The following TAF4B variants were observed in gnomAD, a reference collection of about 807,000 sequenced individuals.
TAF4B encodes the protein transcription initiation factor TFIID subunit 4B.
Under a neutral mutation model 86.4 loss-of-function variants are expected in TAF4B, and 38 were observed. The ratio of observed to expected loss-of-function variants is 0.44; its 90% CI spans 0.34 to 0.58. The LOEUF is 0.58. TAF4B is among the 20% of genes least tolerant of loss of function. TAF4B has a pLI of 0.02. For missense variants in TAF4B, 988 were observed against 1,027.6 expected, an observed-to-expected ratio of 0.96 and a Z score of 0.53; for synonymous variants, 388 against 391.2, an observed-to-expected ratio of 0.99 and a Z score of 0.10.
chr18:26,293,785 C>T (rs928091274), intron 9 of TAF4B, among the ~76,000 whole-genome samples: 1 of 152,112 alleles, frequency 6.6e-6, no homozygotes, highest in African/African-American at 2.4e-5. Flanking sequence ...CACCTTTATG[C>T]ACCTTTGAAA....
chr18:26,231,034 C>CTTTTTTTTTTTGTTTTTTTT (rs2055658298), intron 1 of TAF4B, among the ~76,000 whole-genome samples: 1 of 66,164 alleles, frequency 1.5e-5, no homozygotes, highest in Non-Finnish European at 2.8e-5. Flanking sequence ...TGTTGTTTTG[C>CTTTTTTTTTTTGTTTTTTTT]TTTTTTTTTT....
intron 11 of TAF4B, among the ~76,000 whole-genome samples, chr18:26,323,218 G>A (rs1363828515): frequency 6.6e-6 from 1 of 152,180 alleles, no homozygotes; most frequent in Non-Finnish European, 1.5e-5. Context: ...TTGTTTCATA[G>A]ATGTCTGATA....
chr18:26,386,900 G>T (rs1055151483), intron 14 of TAF4B, among the ~76,000 whole-genome samples: 1 of 152,106 alleles, frequency 6.6e-6, no homozygotes, highest in Non-Finnish European at 1.5e-5. Flanking sequence ...ATGTGGAATT[G>T]CCAAGACATT....
At chr18:26,314,177 A>G (rs1336782406) in intron 9 of TAF4B, among the ~76,000 whole-genome samples, 1 of 152,176 alleles carries the variant, frequency 6.6e-6, no homozygotes, top group Non-Finnish European at 1.5e-5. Context: ...CATATTATAT[A>G]CCATTTGGCC....
intron 5 of TAF4B, among the ~76,000 whole-genome samples, chr18:26,277,642 A>G (rs563655838): frequency 1.3e-5 from 2 of 149,640 alleles, no homozygotes; most frequent in South Asian, 4.1e-4. Context: ...GGTGGTTGGA[A>G]TAGTGATTAT....
At chr18:26,322,192 C>A (rs1403142589) in intron 11 of TAF4B, among the ~76,000 whole-genome samples, 2 of 152,100 alleles carry the variant, frequency 1.3e-5, no homozygotes, top group Non-Finnish European at 2.9e-5. Context: ...GCCGTGATAT[C>A]CTAGTCAAAG....
At chr18:26,386,376 A>G (rs1443689557) in intron 14 of TAF4B, among the ~76,000 whole-genome samples, 1 of 150,572 alleles carries the variant, frequency 6.6e-6, no homozygotes, top group Non-Finnish European at 1.5e-5. Context: ...CTTTGCTTCC[A>G]TGTTAATTTC....
intron 13 of TAF4B, among the ~76,000 whole-genome samples, chr18:26,346,230 C>T (rs2057177712): frequency 6.6e-6 from 1 of 151,956 alleles, no homozygotes; most frequent in Non-Finnish European, 1.5e-5. Context: ...ATAAAAAATA[C>T]AGTTGAGACC....
At chr18:26,340,678 T>TTGG (rs1340624062) in intron 13 of TAF4B, among the ~76,000 whole-genome samples, 1 of 152,136 alleles carries the variant, frequency 6.6e-6, no homozygotes, top group Non-Finnish European at 1.5e-5. Flanking sequence ...GGATTTCCAA[T>TTGG]AAATTACCAG....
At chr18:26,238,832 A>G (rs924891494) in intron 1 of TAF4B, among the ~76,000 whole-genome samples, 116 of 152,290 alleles carry the variant, frequency 7.6e-4, no homozygotes, top group African/African-American at 2.6e-3. Flanking sequence ...GAGATAGAAC[A>G]TGCGGTGTTT....
At chr18:26,346,759 G>GTATATATATATATATA (rs1189521252) in intron 13 of TAF4B, among the ~76,000 whole-genome samples, 4 of 27,142 alleles carry the variant, frequency 1.5e-4, no homozygotes, top group African/African-American at 2.8e-4. Flanking sequence ...ATATATGTGT[G>GTATATATATATATATA]TATATATATA....
At chr18:26,314,956 A>C (rs961653604) in intron 9 of TAF4B, among the ~76,000 whole-genome samples, 1 of 152,106 alleles carries the variant, frequency 6.6e-6, no homozygotes, top group Non-Finnish European at 1.5e-5. Flanking sequence ...TTAAATATAC[A>C]TTGGTGGTTA....
chr18:26,308,410 C>T (rs958760526), intron 9 of TAF4B, among the ~76,000 whole-genome samples: 4 of 151,984 alleles, frequency 2.6e-5, no homozygotes, highest in African/African-American at 9.7e-5. Flanking sequence ...GCAGAATAAA[C>T]TGAGAAGGAG....
chr18:26,269,896 T>C (rs1476909558), intron 3 of TAF4B, among the ~76,000 whole-genome samples: 1 of 152,162 alleles, frequency 6.6e-6, no homozygotes, highest in Non-Finnish European at 1.5e-5. Flanking sequence ...ACCTACTGTA[T>C]TTTTTTCCTT....
intron 9 of TAF4B, among the ~76,000 whole-genome samples, chr18:26,303,847 T>G (rs1427755147): frequency 6.6e-6 from 1 of 152,206 alleles, no homozygotes; most frequent in African/African-American, 2.4e-5. Flanking sequence ...TATTATAATT[T>G]GGATCCTTCT....
intron 1 of TAF4B, among the ~76,000 whole-genome samples, chr18:26,261,936 C>T (rs1464138236): frequency 1.3e-5 from 2 of 152,150 alleles, no homozygotes; most frequent in Non-Finnish European, 2.9e-5. Context: ...GGGACTGTGG[C>T]TTTCTTCTCT....
At chr18:26,336,988 T>C (rs2144700252) in intron 13 of TAF4B, among the ~76,000 whole-genome samples, 2 of 152,348 alleles carry the variant, frequency 1.3e-5, no homozygotes, top group South Asian at 4.1e-4. Flanking sequence ...GTAGACAACA[T>C]TTTTCAAAGA....
At chr18:26,344,810 T>C (rs1284302362) in intron 13 of TAF4B, among the ~76,000 whole-genome samples, 1 of 151,306 alleles carries the variant, frequency 6.6e-6, no homozygotes, top group Non-Finnish European at 1.5e-5. Context: ...GAGAGAGCGC[T>C]GGAGTGTGGT....
chr18:26,352,338 AAAG>A (rs1358511607), intron 13 of TAF4B, among the ~76,000 whole-genome samples: 1 of 151,970 alleles, frequency 6.6e-6, no homozygotes, highest in East Asian at 1.9e-4. Flanking sequence ...TTACATTAGA[AAAG>A]AAGAAAGGCC....
Sources: gnomAD v4.1 joint callset for allele counts (sites outside exome capture counted in the v4.1 genomes callset) on GRCh38, gnomAD v4.1.1 for gene constraint, MANE v1.5 for transcripts, NCBI Gene and HGNC (gene_info 2026-07-23, HGNC 2026-07-21) for gene names.